Variants in ACSM3 observed in about 807,000 individuals in gnomAD.
ACSM3 encodes acyl-coenzyme A synthetase ACSM3, mitochondrial.
In ACSM3, 61 loss-of-function variants were observed where a neutral mutation model predicts 74.1. That is an observed-to-expected ratio of 0.82 (90% CI 0.67 to 1.02). The LOEUF (loss-of-function observed/expected upper bound fraction) is 1.02, where lower values mean the gene tolerates loss of function less well. Among genes scored for constraint, ACSM3 ranks in the 50% least tolerant of loss-of-function variants. The pLI, the probability that ACSM3 is intolerant of heterozygous loss-of-function variation, is 0.00. For missense variants in ACSM3, 660 were observed against 697.0 expected (o/e 0.95, Z 0.60); for synonymous variants, 213 against 241.5 (o/e 0.88, Z 1.09).
At chr16:20,732,947 G>T in intron 1 of ACSM3, 1 of 161,668 alleles carries the variant, frequency 6.2e-6, no homozygotes, top group South Asian at 2.0e-4. Flanking sequence ...ATCATTGGGA[G>T]AATCAAACAC....
At chr16:20,774,509 G>A (rs763456384) in intron 2 of ACSM3, among the ~76,000 whole-genome samples, 18 of 152,160 alleles carry the variant, frequency 1.2e-4, no homozygotes, top group Non-Finnish European at 2.1e-4. Flanking sequence ...CCAAAGTGCT[G>A]GGATTACAGG....
At chr16:20,736,553 C>T in intron 1 of ACSM3, 1 of 235,496 alleles carries the variant, frequency 4.2e-6, no homozygotes, top group Admixed American at 5.0e-5. Context: ...TGAAAACTTC[C>T]CTCTGATTTT....
chr16:20,711,473 G>T (rs2079743628), intron 1 of ACSM3: 2 of 1,274,328 alleles, frequency 1.6e-6, no homozygotes, highest in South Asian at 1.3e-5. Context: ...TCCTTCCCAG[G>T]GATTGTCTTC....
rs150034264 is a variant in ACSM3, at chr16:20,684,463, C to T, written c.-190+9641C>T. On this transcript the variant is annotated intron_variant, in intron 1 of 3. Transcript: ENST00000561584. ...AACAAACTGACTTCAGAATATACCC[C>T]CTGATGTGATGCACAGAGGAAGACA... Among the ~76,000 whole-genome samples the T allele has an allele frequency of 1.1e-3, 160 of 152,304 alleles. 1 individual carries two copies. Among genetic ancestry groups the T allele is most frequent in the Non-Finnish European group, 2.0e-3 (136 of 68,020 alleles).
intron 12 of ACSM3, among the ~76,000 whole-genome samples, chr16:20,793,337 C>T (rs1438898364): frequency 6.6e-6 from 1 of 152,072 alleles, no homozygotes; most frequent in Non-Finnish European, 1.5e-5. Flanking sequence ...GGCATGGTGG[C>T]ACACGCCTGT....
chr16:20,730,549 G>C (rs1402342150), intron 1 of ACSM3, among the ~76,000 whole-genome samples: 1 of 152,012 alleles, frequency 6.6e-6, no homozygotes, highest in East Asian at 1.9e-4. Flanking sequence ...TCACACACCA[G>C]TGAGCCTCTG....
At chr16:20,741,481 G>GGGGGGGGGCCCC in intron 1 of ACSM3, 1 of 1,308,412 alleles carries the variant, frequency 7.6e-7, no homozygotes, top group Non-Finnish European at 9.9e-7. Flanking sequence ...CTGGCAGCCG[G>GGGGGGGGGCCCC]CCCGCCCGCC....
chr16:20,728,824 C>G (rs2079816096), intron 1 of ACSM3, among the ~76,000 whole-genome samples: 1 of 133,262 alleles, frequency 7.5e-6, no homozygotes, highest in Non-Finnish European at 1.7e-5. Context: ...AAATTAATTT[C>G]CAGCCAGGGA....
At chr16:20,775,146 C>T (rs1019735206) in intron 2 of ACSM3, among the ~76,000 whole-genome samples, 4 of 151,980 alleles carry the variant, frequency 2.6e-5, no homozygotes, top group Non-Finnish European at 5.9e-5. Flanking sequence ...TCTACGGGAA[C>T]GTGTGGGGAT....
At position 20,741,412 on chromosome 16, in the gene ACSM3, C is replaced by A. The variant is rs966229432; in HGVS notation, c.-189-8498C>A. On this transcript the variant is annotated intron_variant, in intron 1 of 3. Transcript: ENST00000561584. ...CCCTACAGCCGTCACGCCGACGACC[C>A]GAGGCGCGCATGCCCATACCAGCAG... The A allele has an allele frequency of 6.4e-6, 9 of 1,409,214 alleles. No individual in the cohort carries two copies. The East Asian group carries it at 1.8e-4, about 28-fold the overall frequency. 87.3% of individuals were successfully genotyped at this position (1,409,214 alleles called of 1,614,324 possible). A position where few individuals can be genotyped will look rare whatever the true frequency, so the allele number is the denominator to read the frequency against.
intron 7 of ACSM3, among the ~76,000 whole-genome samples, chr16:20,782,869 G>C (rs764175484): frequency 6.6e-6 from 1 of 152,192 alleles, no homozygotes; most frequent in Non-Finnish European, 1.5e-5. Flanking sequence ...AGATGAAGAG[G>C]TACATAGGGT....
chr16:20,755,230 G>A (rs1243951548), intron 2 of ACSM3, among the ~76,000 whole-genome samples: 1 of 152,172 alleles, frequency 6.6e-6, no homozygotes. Flanking sequence ...AAGGTGCAGA[G>A]TCTTATTACA....
rs1278696298 is a variant in ACSM3 at position 20,770,260 on chromosome 16, G to A, written c.219+7G>A. ...ATGGACTGATAAGGAAAAGGTATGG[G>A]GGGAGGGCCAGTCAGACCACAATTT... On this transcript the variant is annotated splice_region_variant and intron_variant, in intron 2 of 13. Coordinates refer to ENST00000289416, the MANE Select transcript of ACSM3 (RefSeq NM_005622.4). 2 of 1,611,236 alleles carry A rather than the reference G, an allele frequency of 1.2e-6. No homozygotes were observed. The highest frequency in any genetic ancestry group is 3.3e-5 in the Admixed American group (2 of 59,988).
At chr16:20,758,596 A>G (rs1403184747) in intron 3 of ACSM3, among the ~76,000 whole-genome samples, 1 of 151,962 alleles carries the variant, frequency 6.6e-6, no homozygotes, top group Non-Finnish European at 1.5e-5. Context: ...TGGATTCATT[A>G]ATTTTTTGAA....
intron 1 of ACSM3, among the ~76,000 whole-genome samples, chr16:20,685,834 AAC>A (rs1206962570): frequency 1.0e-5 from 1 of 99,754 alleles, no homozygotes; most frequent in African/African-American, 4.2e-5. Flanking sequence ...AAAAAAAACA[AAC>A]AAAAAAAAAA....
intron 1 of ACSM3, among the ~76,000 whole-genome samples, chr16:20,687,460 T>C (rs1277961415): frequency 1.3e-5 from 2 of 152,092 alleles, no homozygotes; most frequent in Non-Finnish European, 2.9e-5. Flanking sequence ...CTTCACACTA[T>C]GAAGATTAGT....
chr16:20,787,167 T>C (rs1288085103), intron 9 of ACSM3, among the ~76,000 whole-genome samples: 1 of 152,232 alleles, frequency 6.6e-6, no homozygotes, highest in African/African-American at 2.4e-5. Flanking sequence ...ACTCCTCAAC[T>C]TATGATAGGG....
At chr16:20,795,362 C>A (rs2080700938) in intron 12 of ACSM3, among the ~76,000 whole-genome samples, 1 of 152,102 alleles carries the variant, frequency 6.6e-6, no homozygotes, top group East Asian at 1.9e-4. Context: ...ATTGTTCATA[C>A]AATGTAAAAC....
chr16:20,752,947 A>G (rs904445871), intron 2 of ACSM3, among the ~76,000 whole-genome samples: 1 of 152,208 alleles, frequency 6.6e-6, no homozygotes, highest in Non-Finnish European at 1.5e-5. Context: ...ACGGGACAGA[A>G]AAATATGTTA....
Sources: allele counts gnomAD v4.1 joint callset (sites outside exome capture counted in the v4.1 genomes callset), GRCh38; gene constraint gnomAD v4.1.1; transcripts MANE v1.5; gene names NCBI Gene and HGNC (gene_info 2026-07-23, HGNC 2026-07-21).